Variants in MBP observed in about 807,000 individuals in gnomAD.
The protein encoded by MBP is Golli-MBP.
In MBP, 16 loss-of-function variants were observed where a neutral mutation model predicts 35.8. That is an observed-to-expected ratio of 0.45 (90% confidence interval 0.30 to 0.68). MBP has a LOEUF of 0.68. MBP is among the 30% of genes least tolerant of loss of function. The pLI, the probability that MBP is intolerant of heterozygous loss-of-function variation, is 0.08. For missense variants in MBP, 380 were observed against 404.7 expected, an observed-to-expected ratio of 0.94 and a Z score of 0.52; for synonymous variants, 143 against 159.6, an observed-to-expected ratio of 0.90 and a Z score of 0.78.
intron 2 of MBP, among the ~76,000 whole-genome samples, chr18:77,096,433 T>A (rs761842117): frequency 7.2e-5 from 11 of 151,906 alleles, no homozygotes; most frequent in Admixed American, 5.9e-4. Flanking sequence ...TCATTCCTCC[T>A]GTCTGCAGTT....
intron 4 of MBP, 200 bp downstream of exon 4, chr18:77,016,632 G>A (rs1436363069): frequency 5.6e-6 from 8 of 1,417,852 alleles, no homozygotes; most frequent in South Asian, 1.6e-5. Flanking sequence ...GAGGAAAAGA[G>A]GGGGTGAGTT....
intron 2 of MBP, among the ~76,000 whole-genome samples, chr18:77,091,567 C>T (rs544865278): frequency 2.7e-5 from 4 of 150,672 alleles, no homozygotes; most frequent in Admixed American, 1.3e-4. Context: ...CCACGGATGA[C>T]GTCTGCAGGG....
chr18:77,115,783 CT>C (rs1976640140), intron 1 of MBP: 1 of 152,092 alleles, frequency 6.6e-6, no homozygotes, highest in Non-Finnish European at 1.5e-5. Flanking sequence ...CTGAGCTGAT[CT>C]CCTAAGGGGC....
chr18:77,125,707 TATAGCCCTACTC>T (rs1427188336), intron 1 of MBP, among the ~76,000 whole-genome samples: 10 of 152,178 alleles, frequency 6.6e-5, no homozygotes, highest in Non-Finnish European at 1.5e-5. Context: ...AGCGTAAATC[TATAGCCCTACTC>T]ATGGGGAATT....
intron 2 of MBP, among the ~76,000 whole-genome samples, chr18:77,098,567 T>A (rs1164533214): frequency 6.6e-6 from 1 of 152,240 alleles, no homozygotes; most frequent in Non-Finnish European, 1.5e-5. Context: ...GATCCACTCA[T>A]GAATTAAAAA....
chr18:76,991,910 G>T (rs192718158), intron 4 of MBP, among the ~76,000 whole-genome samples: 1 of 152,228 alleles, frequency 6.6e-6, no homozygotes, highest in Admixed American at 6.5e-5. Context: ...TGAAAAGTGC[G>T]CTTTTCTGGG....
At chr18:77,067,333 A>G (rs1337519381) in intron 2 of MBP, among the ~76,000 whole-genome samples, 1 of 152,120 alleles carries the variant, frequency 6.6e-6, no homozygotes, top group Non-Finnish European at 1.5e-5. Flanking sequence ...CTTCACATAA[A>G]TGGCATCACA....
chr18:77,010,736 C>T (rs1250586912), intron 4 of MBP, among the ~76,000 whole-genome samples: 2 of 152,190 alleles, frequency 1.3e-5, no homozygotes, highest in East Asian at 3.9e-4. Context: ...AGCATTAGCT[C>T]CTAACTTAAT....
At position 77,085,849 on chromosome 18, in the gene MBP, AATTTTTGT is replaced by A. The variant is rs573434495; in HGVS notation, c.51+19354_51+19361del. ...ACAGGCGTCCACCACCACGCCGGCT[AATTTTTGT>A]ATTTTTAGTAGAAACGGGGTTTCAC... On this transcript the variant is annotated intron_variant, in intron 2 of 8. Coordinates refer to ENST00000355994, the MANE Select transcript of MBP (RefSeq NM_001025101.2). 2.5e-3 allele frequency among the ~76,000 whole-genome samples: 385 copies of A among 151,804 alleles called. 2 individuals carry two copies. The highest frequency in any genetic ancestry group is 4.5e-3 in the Non-Finnish European group (307 of 67,918).
intron 2 of MBP, among the ~76,000 whole-genome samples, chr18:77,077,464 C>T (rs922069434): frequency 3.3e-5 from 5 of 152,150 alleles, no homozygotes; most frequent in Non-Finnish European, 5.9e-5. Flanking sequence ...CTAGGTGACT[C>T]CCAGGCCCTC....
At chr18:77,100,196 G>C (rs1466582536) in intron 2 of MBP, among the ~76,000 whole-genome samples, 2 of 152,156 alleles carry the variant, frequency 1.3e-5, no homozygotes, top group African/African-American at 4.8e-5. Context: ...CCAACGTGAT[G>C]CTGTCCTTCT....
intron 1 of MBP, among the ~76,000 whole-genome samples, chr18:77,117,772 T>C (rs1409025033): frequency 1.9e-4 from 5 of 26,586 alleles, no homozygotes; most frequent in African/African-American, 4.1e-4. Flanking sequence ...TGCGTTGGAG[T>C]GGGATGGGGG....
At chr18:77,031,767 T>A (rs889991999) in intron 3 of MBP, among the ~76,000 whole-genome samples, 7 of 152,248 alleles carry the variant, frequency 4.6e-5, no homozygotes, top group Non-Finnish European at 5.9e-5. Context: ...TCTAATGGGC[T>A]CCTGGTCCGT....
intron 3 of MBP, among the ~76,000 whole-genome samples, chr18:77,032,469 C>G (rs1972578319): frequency 7.6e-6 from 1 of 132,448 alleles, no homozygotes; most frequent in Non-Finnish European, 1.8e-5. Flanking sequence ...TCACCCCTGG[C>G]ACCTCCCACG....
chr18:77,016,879 G>A lies in MBP; in HGVS notation c.529C>T (p.Arg177Cys), dbSNP rs748450291. 5 of 1,614,080 alleles carry A rather than the reference G, an allele frequency of 3.1e-6. No individual in the cohort carries two copies. Among genetic ancestry groups the A allele is most frequent in the African/African-American group, 1.3e-5 (1 of 74,930 alleles). Residue 177 changes from arginine (R) to cysteine (C), a missense_variant, in exon 4 of 9, where the codon CGC (arginine) becomes TGC (cysteine). Transcript: ENST00000355994. ...RDTGILDSIGRFFGGDRGAPK... is the reference protein window; with the variant it reads ...RDTGILDSIGCFFGGDRGAPK... ...GCACCCCTGTCACCGCCAAAGAAGC[G>A]CCCGATGGAGTCAAGGATGCCCGTG...
chr18:77,025,434 A>G (rs1972169966), intron 3 of MBP, among the ~76,000 whole-genome samples: 1 of 152,180 alleles, frequency 6.6e-6, no homozygotes, highest in African/African-American at 2.4e-5. Context: ...TTGGTGCACC[A>G]TAGCCACCTG....
At chr18:76,994,723 A>C (rs955123133) in intron 4 of MBP, among the ~76,000 whole-genome samples, 2 of 152,228 alleles carry the variant, frequency 1.3e-5, no homozygotes, top group Non-Finnish European at 2.9e-5. Flanking sequence ...TGTCTATGAA[A>C]AAGGCAGTTG....
In MBP at chr18:77,099,366, T is replaced by C. The variant is rs953280506; in HGVS notation, c.51+5845A>G. On this transcript the variant is annotated intron_variant, in intron 2 of 8. Coordinates refer to ENST00000355994, the MANE Select transcript of MBP (RefSeq NM_001025101.2). ...AGCCAGGCCACACTGCACCATGAGATAAAATATATCCTAGAGTGTGAGGAC... is the reference window on the plus strand; with the variant it reads ...AGCCAGGCCACACTGCACCATGAGACAAAATATATCCTAGAGTGTGAGGAC... 3.3e-5 allele frequency among the ~76,000 whole-genome samples: 5 copies of C among 151,908 alleles called. No homozygotes were observed. In the South Asian group the frequency reaches 6.2e-4, roughly 19 times the overall value.
chr18:77,119,596 A>C (rs919423490), intron 1 of MBP, among the ~76,000 whole-genome samples: 3 of 150,586 alleles, frequency 2.0e-5, no homozygotes, highest in East Asian at 2.0e-4. Context: ...CTTCCCTCTT[A>C]CCTCAAGCCG....
Sources: allele counts gnomAD v4.1 joint callset (sites outside exome capture counted in the v4.1 genomes callset), GRCh38; gene constraint gnomAD v4.1.1; transcripts MANE v1.5; gene names NCBI Gene and HGNC (gene_info 2026-07-23, HGNC 2026-07-21).